The following AXL variants were observed in gnomAD, a reference collection of about 807,000 sequenced individuals.
AXL encodes AXL receptor tyrosine kinase.
AXL carries 52 observed loss-of-function variants against 104.5 expected under a neutral mutation model. That is an observed-to-expected ratio of 0.50 (90% CI 0.40 to 0.63). The LOEUF is 0.63. AXL is among the 20% of genes least tolerant of loss of function. The pLI is 0.00. For synonymous variants in AXL, 455 were observed against 473.7 expected (o/e 0.96, Z 0.51); for missense variants, 1,024 against 1,188.5 (o/e 0.86, Z 2.04).
chr19:41,242,772 T>C (rs1300665042), intron 10 of AXL, 111 bp from the exon 11 acceptor site: 1 of 1,384,700 alleles, frequency 7.2e-7, no homozygotes, highest in Non-Finnish European at 1.0e-6. Context: ...TCATCAAGTA[T>C]GTGCACATCT....
In AXL at chr19:41,227,462, G is replaced by A. The variant is rs574119372; in HGVS notation, c.587-3505G>A. ...TTCTCTTTGGCCTATCCGAATTGCA[G>A]CCATCACTATTTTGCACCCTGGGGC... On this transcript the variant is annotated intron_variant, in intron 4 of 19. Transcript: ENST00000301178. Among the ~76,000 whole-genome samples the A allele has an allele frequency of 1.3e-3, 194 of 149,236 alleles. 1 individual carries two copies. The highest frequency in any genetic ancestry group is 4.6e-3 in the African/African-American group (188 of 40,666).
chr19:41,248,300 G>A (rs1468536621), intron 12 of AXL, among the ~76,000 whole-genome samples: 1 of 152,262 alleles, frequency 6.6e-6, no homozygotes, highest in African/African-American at 2.4e-5. Context: ...GCGTGGCCAG[G>A]CTTTACCCCT....
Position 41,221,916 on chromosome 19 carries a change from C to A in AXL, c.446C>A (p.Thr149Asn). 1 of 1,613,782 alleles carries A rather than the reference C, an allele frequency of 6.2e-7. No homozygotes were observed. Among genetic ancestry groups the A allele is most frequent in the South Asian group, 1.1e-5 (1 of 91,020 alleles). Residue 149 changes from threonine (T) to asparagine (N), a missense_variant, in exon 4 of 20, where the codon ACT becomes AAT. Around this residue, in one of 5 missense-constraint regions of AXL, gnomAD observed 332 missense variants for 343.9 expected, o/e 0.97. Transcript: ENST00000301178. ...PYFLEEPEDR[T>N]VAANTPFNLS... ...TTCCTGGAGGAGCCCGAAGACAGGA[C>A]TGTGGCCGCCAACACCCCCTTCAAC...
intron 14 of AXL, among the ~76,000 whole-genome samples, chr19:41,252,128 A>AG (rs1245093647): frequency 7.0e-6 from 1 of 143,562 alleles, no homozygotes; most frequent in East Asian, 2.0e-4. Context: ...AAAAAAAAAA[A>AG]GAAAATATAT....
At position 41,239,204 on chromosome 19, in the gene AXL, A is replaced by T. The variant is rs2122237562; in HGVS notation, c.1175A>T (p.Glu392Val). 6.2e-7 allele frequency: 1 copy of T among 1,613,256 alleles called. No homozygotes were observed. The highest frequency in any genetic ancestry group is 8.5e-7 in the Non-Finnish European group (1 of 1,179,536). The change falls in exon 9 of 20, where the codon GAG (glutamate) becomes GTG (valine). Residue 392 changes from glutamate (E) to valine (V), a missense_variant. By Grantham distance (121) the Glu-to-Val change is moderately radical. Coordinates refer to ENST00000301178, the MANE Select transcript of AXL (RefSeq NM_021913.5). ...DIGLRQEVTL[E>V]LQGDGSVSNL... is the part of the protein sequence containing the mutation. ...GGGCTAAGGCAAGAGGTGACCCTGGAGCTGCAGGGGGACGGGTCTGTGTCC... is the reference window on the plus strand; with the variant it reads ...GGGCTAAGGCAAGAGGTGACCCTGGTGCTGCAGGGGGACGGGTCTGTGTCC...
In AXL at chr19:41,220,760, T is replaced by C. The variant is rs757210880; in HGVS notation, c.210T>C (p.Leu70=). ...GAGAGCCCCCCGAGGTACATTGGCT[T>C]CGGGATGGACAGATCCTGGAGCTCG... ...VQGEPPEVHW[L]RDGQILELAD... Residue 70 remains leucine, a synonymous_variant, in exon 2 of 20, where the codon CTT becomes CTC. Transcript: ENST00000301178. 9 of 1,614,094 alleles carry C rather than the reference T, an allele frequency of 5.6e-6. No individual in the cohort carries two copies. In the East Asian group the frequency reaches 2.0e-4, roughly 36 times the overall value.
intron 10 of AXL, among the ~76,000 whole-genome samples, chr19:41,242,296 T>C (rs2122245167): frequency 6.7e-6 from 1 of 148,420 alleles, no homozygotes; most frequent in South Asian, 2.1e-4. Flanking sequence ...CTCTACCACC[T>C]GAACTATCCT....
At chr19:41,246,666 G>C (rs947459031) in intron 12 of AXL, among the ~76,000 whole-genome samples, 3 of 152,084 alleles carry the variant, frequency 2.0e-5, no homozygotes, top group Non-Finnish European at 4.4e-5. Flanking sequence ...AGTGAGCTGA[G>C]ATTATGCTAC....
Position 41,238,565 on chromosome 19 carries a change from C to G in AXL, c.1090C>G (p.Leu364Val), listed in dbSNP as rs773268301. ...GCCCCGGGCGCCCCTGCAGGGTACC[C>G]TGTTAGGGTACCGGCTGGCGTATCA... ...QEPRAPLQGT[L>V]LGYRLAYQGQ... Residue 364 changes from leucine (L) to valine (V), a missense_variant, in exon 8 of 20, where the codon CTG becomes GTG. Physicochemically the swap from Leu to Val is conservative, Grantham distance 32. This residue lies in a region of AXL where 332 missense variants were observed against 343.9 expected (regional missense o/e 0.97). Transcript: ENST00000301178. The G allele has an allele frequency of 2.5e-6, 4 of 1,613,690 alleles. No homozygotes were observed. The highest frequency in any genetic ancestry group is 2.5e-6 in the Non-Finnish European group (3 of 1,179,736).
chr19:41,220,920 C>A, intron 2 of AXL, 62 bp downstream of exon 2: 1 of 1,568,360 alleles, frequency 6.4e-7, no homozygotes, highest in Non-Finnish European at 8.7e-7. Flanking sequence ...AGAAAGCCCA[C>A]CTGGGTGGGA....
chr19:41,227,434 G>A (rs920005056), intron 4 of AXL, among the ~76,000 whole-genome samples: 8 of 150,968 alleles, frequency 5.3e-5, no homozygotes, highest in Non-Finnish European at 1.5e-5. Context: ...AGCACTTTAA[G>A]GCTTCTCTTT....
Position 41,231,049 on chromosome 19 carries a change from T to A in AXL, c.667+2T>A. 1 of 1,613,766 alleles carries A rather than the reference T, an allele frequency of 6.2e-7. No individual in the cohort carries two copies. The highest frequency in any genetic ancestry group is 1.1e-5 in the South Asian group (1 of 91,082). On this transcript the variant is annotated splice_donor_variant, in intron 5 of 19. Transcript: ENST00000301178. LOFTEE classifies it high-confidence loss of function. ...CATCCCGCACAGCCACCATCACAGG[T>A]GACAGAGTTGGGAGGTGGGGAGCTG...
intron 6 of AXL, among the ~76,000 whole-genome samples, chr19:41,231,957 A>T (rs138097760): frequency 2.3e-3 from 346 of 151,784 alleles, no homozygotes; most frequent in African/African-American, 7.7e-3. Flanking sequence ...AACAAAAAAA[A>T]TTTAACAAAA....
rs1568413664 is a variant in AXL at position 41,239,716 on chromosome 19, G to T, written c.1308G>T (p.Gln436His). ...CAGGGCAAGCACAGCCAGTCCACCA[G>T]CTGGGTAAGGGCTTCCACACCCCAT... is the stretch of plus-strand genomic sequence containing the variant. ...WRPGQAQPVHQLVKEPSTPAF... is the reference protein window; with the variant it reads ...WRPGQAQPVHHLVKEPSTPAF... Residue 436 changes from glutamine to histidine, a missense_variant, in exon 10 of 20, where the codon CAG becomes CAT. Physicochemically the swap from Gln to His is conservative, Grantham distance 24. Around this residue, in one of 5 missense-constraint regions of AXL, gnomAD observed 523 missense variants for 636.0 expected, o/e 0.82. Transcript: ENST00000301178. 6.2e-7 allele frequency: 1 copy of T among 1,614,046 alleles called. No individual in the cohort carries two copies. The highest frequency in any genetic ancestry group is 1.7e-5 in the Admixed American group (1 of 59,996).
chr19:41,228,782 G>A (rs2033926621), intron 4 of AXL, among the ~76,000 whole-genome samples: 1 of 152,142 alleles, frequency 6.6e-6, no homozygotes. Flanking sequence ...TGACATTCTA[G>A]TGGGAGAAAC....
At position 41,244,162 on chromosome 19, in the gene AXL, A is replaced by G. The variant is rs528999577; in HGVS notation, c.1537+455A>G. Reference sequence around the variant, plus strand: ...CAAGGCTGCAGTAAGCCGTGATCACACCACTGCACTCCAGCCTGGGTGACA... The same window carrying G: ...CAAGGCTGCAGTAAGCCGTGATCACGCCACTGCACTCCAGCCTGGGTGACA... On this transcript the variant is annotated intron_variant, in intron 12 of 19. Coordinates refer to ENST00000301178, the MANE Select transcript of AXL (RefSeq NM_021913.5). Among the ~76,000 whole-genome samples, 197 of 152,110 alleles carry G rather than the reference A, an allele frequency of 1.3e-3. 1 individual carries two copies. The highest frequency in any genetic ancestry group is 4.5e-3 in the African/African-American group (188 of 41,510).
intron 4 of AXL, chr19:41,226,702 AT>A: frequency 1.0e-6 from 1 of 975,506 alleles, no homozygotes; most frequent in Non-Finnish European, 1.2e-6. Flanking sequence ...CCATCCACAG[AT>A]ACACGCAGGG....
chr19:41,243,336 C>T (rs1231150181), intron 11 of AXL, among the ~76,000 whole-genome samples: 3 of 152,208 alleles, frequency 2.0e-5, no homozygotes, highest in Admixed American at 6.5e-5. Flanking sequence ...ACGATAATCA[C>T]TTGAACCCGG....
intron 14 of AXL, among the ~76,000 whole-genome samples, 153 bp from the exon 15 acceptor site, chr19:41,252,198 A>G (rs1407281895): frequency 1.3e-5 from 2 of 150,734 alleles, no homozygotes; most frequent in Non-Finnish European, 3.0e-5. Flanking sequence ...TACACATATC[A>G]CATATAAAGT....
Sources: allele counts gnomAD v4.1 joint callset (sites outside exome capture counted in the v4.1 genomes callset), GRCh38; gene constraint gnomAD v4.1.1; regional missense constraint gnomAD v4.1.1; transcripts MANE v1.5; gene names NCBI Gene and HGNC (gene_info 2026-07-23, HGNC 2026-07-21).